HYLS1: variants seen among roughly 807,000 people sequenced by gnomAD.
The protein encoded by HYLS1 is HYLS1 centriolar and ciliogenesis associated, also known as centriolar and ciliogenesis-associated protein HYLS1.
A neutral mutation model predicts 29.4 loss-of-function variants in HYLS1; 25 were observed. That is an observed-to-expected ratio of 0.85 (90% CI 0.62 to 1.19). HYLS1 has a LOEUF of 1.19. Among genes scored for constraint, HYLS1 ranks in the 50% most tolerant of loss-of-function variants. HYLS1 has a pLI of 0.00. For synonymous variants in HYLS1, 128 were observed against 126.7 expected (o/e 1.01, Z -0.07); for missense variants, 352 against 365.1 (o/e 0.96, Z 0.29).
chr11:125,898,451 G>A (rs1332602867), intron 2 of HYLS1, among the ~76,000 whole-genome samples: 1 of 152,124 alleles, frequency 6.6e-6, no homozygotes, highest in East Asian at 1.9e-4. Context: ...GAGGCGGGTG[G>A]GTTGCCTGAG....
At position 125,900,012 on chromosome 11, in the gene HYLS1, G is replaced by C; in HGVS notation, c.644G>C (p.Arg215Pro). ...RNRGKTDRVA[R>P]YFEYKRDWDS... Reference sequence around the variant, plus strand: ...CGGGGCAAGACAGACCGGGTAGCCCGGTATTTTGAGTACAAACGGGACTGG... The same window carrying C: ...CGGGGCAAGACAGACCGGGTAGCCCCGTATTTTGAGTACAAACGGGACTGG... Residue 215 changes from arginine to proline, a missense_variant, in exon 3 of 3, where the codon CGG (arginine) becomes CCG (proline). Arg to Pro is a moderately radical substitution (Grantham distance 103, BLOSUM62 -2). Coordinates refer to ENST00000425380, the MANE Select transcript of HYLS1 (RefSeq NM_001134793.2). The C allele has an allele frequency of 6.2e-7, 1 of 1,614,194 alleles. No individual in the cohort carries two copies. Among genetic ancestry groups the C allele is most frequent in the Non-Finnish European group, 8.5e-7 (1 of 1,180,032 alleles).
In HYLS1 at chr11:125,896,230, G is replaced by T. The variant is rs747920338; in HGVS notation, c.-25-3114G>T. 66 of 1,613,676 alleles carry T rather than the reference G, an allele frequency of 4.1e-5. No homozygotes were observed. The highest frequency in any genetic ancestry group is 7.7e-5 in the South Asian group (7 of 91,076). Reference sequence around the variant, plus strand: ...CTTTGCACCTCTTGCTCCAGTTCTCGTACTCTTTTTAGGAGCTTCTCAGTC... The same window carrying T: ...CTTTGCACCTCTTGCTCCAGTTCTCTTACTCTTTTTAGGAGCTTCTCAGTC... On this transcript the variant is annotated intron_variant, in intron 2 of 2. Coordinates refer to ENST00000425380, the MANE Select transcript of HYLS1 (RefSeq NM_001134793.2).
At chr11:125,885,569 G>A (rs909520797), upstream of HYLS1, among the ~76,000 whole-genome samples, 2 of 152,222 alleles carry the variant, frequency 1.3e-5, no homozygotes, top group Non-Finnish European at 2.9e-5. Flanking sequence ...AGACAGATTG[G>A]AGATTCAAAG....
upstream of HYLS1, chr11:125,887,400 C>A (rs1944323324): frequency 6.6e-6 from 1 of 152,272 alleles, no homozygotes; most frequent in Non-Finnish European, 1.5e-5. Flanking sequence ...ATTTAGTACA[C>A]CAGAGGCGTC....
At chr11:125,895,558 A>T in intron 2 of HYLS1, 3 of 1,614,212 alleles carry the variant, frequency 1.9e-6, no homozygotes, top group African/African-American at 1.3e-5. Flanking sequence ...ACAATATCTA[A>T]ATCAGCACGA....
chr11:125,885,542 C>T (rs1430393415), upstream of HYLS1, among the ~76,000 whole-genome samples: 1 of 152,202 alleles, frequency 6.6e-6, no homozygotes, highest in East Asian at 1.9e-4. Flanking sequence ...ATGATTCCAT[C>T]TACTCTTTGG....
At position 125,900,292 on chromosome 11, in the gene HYLS1, G is replaced by T. The variant is rs1171604427; in HGVS notation, c.*24G>T. ...AAATCTTTTTAAACTTCTTTCACAG[G>T]ATTGTTTGAGATAACCTAGCTCTTT... On this transcript the variant is annotated 3_prime_UTR_variant, in exon 3 of 3. Transcript: ENST00000425380. 1 of 1,606,456 alleles carries T rather than the reference G, an allele frequency of 6.2e-7. No homozygotes were observed. Among genetic ancestry groups the T allele is most frequent in the Admixed American group, 1.7e-5 (1 of 60,010 alleles).
intron 2 of HYLS1, 123 bp from the exon 3 acceptor site, chr11:125,899,221 G>C: frequency 2.9e-6 from 2 of 681,212 alleles, no homozygotes; most frequent in South Asian, 3.7e-5. Context: ...ACCCTGTATT[G>C]AATTTATGAT....
chr11:125,893,865 T>G, intron 2 of HYLS1: 3 of 1,614,154 alleles, frequency 1.9e-6, no homozygotes, highest in Non-Finnish European at 2.5e-6. Flanking sequence ...TCCTCTAGTG[T>G]GTCATTACAG....
In HYLS1 at chr11:125,899,583, A is replaced by G; in HGVS notation, c.215A>G (p.His72Arg). The G allele has an allele frequency of 6.2e-7, 1 of 1,614,108 alleles. No homozygotes were observed. The highest frequency in any genetic ancestry group is 2.2e-5 in the East Asian group (1 of 44,884). Residue 72 changes from histidine to arginine, a missense_variant, in exon 3 of 3, where the codon CAT (histidine) becomes CGT (arginine). Physicochemically the swap from His to Arg is conservative, Grantham distance 29 (BLOSUM62 0). Coordinates refer to ENST00000425380, the MANE Select transcript of HYLS1 (RefSeq NM_001134793.2). ...CTTCCTGTGCAACTACAGTACCCACATGTAGAAAGTAATGTCCCTTCAGAA... is the reference window on the plus strand; with the variant it reads ...CTTCCTGTGCAACTACAGTACCCACGTGTAGAAAGTAATGTCCCTTCAGAA... ...PALPVQLQYP[H>R]VESNVPSETV...
intron 1 of HYLS1, among the ~76,000 whole-genome samples, chr11:125,890,351 T>C (rs1214253890): frequency 6.6e-6 from 1 of 152,246 alleles, no homozygotes; most frequent in Non-Finnish European, 1.5e-5. Flanking sequence ...AATTACTGAT[T>C]TTTAAACGTG....
Position 125,891,483 on chromosome 11 carries a change from G to GAAAAAA in HYLS1, c.-26+23_-26+28dup, listed in dbSNP as rs11382127. 1.9e-5 allele frequency: 2 copies of GAAAAAA among 107,274 alleles called. No individual in the cohort carries two copies. The highest frequency in any genetic ancestry group is 1.2e-4 in the Admixed American group (1 of 8,240). 6.6% of individuals were successfully genotyped at this position (107,274 alleles called of 1,614,324 possible). On this transcript the variant is annotated intron_variant, in intron 2 of 2. Transcript: ENST00000425380. ...ATACATTGAAATAAGGTAAGAAATT[G>GAAAAAA]AAAAAAAAAAAAAAAAACCTTGGTT...
At position 125,899,536 on chromosome 11, in the gene HYLS1, AG is replaced by A. The variant is rs1172420635; in HGVS notation, c.169del (p.Ala57ProfsTer17). 10 of 1,614,168 alleles carry A rather than the reference AG, an allele frequency of 6.2e-6. No homozygotes were observed. Among genetic ancestry groups the A allele is most frequent in the Non-Finnish European group, 8.5e-6 (10 of 1,180,018 alleles). ...ATGATCCCTACAGTAAAGCTTCAGT[AG>A]CCCCAGGGAAGCGACCTGCTCTTCC... ...QYDPYSKASV[A>X]PGKRPALPVQ... On this transcript the variant is annotated frameshift_variant, in exon 3 of 3. Coordinates refer to ENST00000425380, the MANE Select transcript of HYLS1 (RefSeq NM_001134793.2). LOFTEE classifies it high-confidence loss of function.
Position 125,900,494 on chromosome 11 carries a change from C to T in HYLS1, c.*226C>T. ...AAGATAAATCATATCAGAGAAAGAA[C>T]AACAGACCTGGTCTTTCTATTTTGT... On this transcript the variant is annotated 3_prime_UTR_variant, in exon 3 of 3. Coordinates refer to ENST00000425380, the MANE Select transcript of HYLS1 (RefSeq NM_001134793.2). 1.9e-6 allele frequency: 1 copy of T among 538,652 alleles called. No homozygotes were observed. Among genetic ancestry groups the T allele is most frequent in the South Asian group, 2.1e-5 (1 of 47,950 alleles). 33.4% of individuals were successfully genotyped at this position (538,652 alleles called of 1,614,324 possible).
chr11:125,891,525 A>G (rs1055614375), intron 2 of HYLS1, 53 bp downstream of exon 2: 3 of 144,384 alleles, frequency 2.1e-5, no homozygotes, highest in Non-Finnish European at 4.5e-5. Context: ...TACATATTTA[A>G]GTTATTCCAC....
chr11:125,884,692 T>C (rs1944279286), upstream of HYLS1, among the ~76,000 whole-genome samples: 1 of 152,246 alleles, frequency 6.6e-6, no homozygotes, highest in Non-Finnish European at 1.5e-5. Flanking sequence ...CTGAAATATT[T>C]AGATTTCAGA....
chr11:125,900,231 T>C lies in HYLS1; in HGVS notation c.863T>C (p.Ile288Thr), dbSNP rs1311470431. ...GVRCDLANGV[I>T]PRKLPFPLSP... is the part of the protein sequence containing the mutation. ...CGTTGTGACCTTGCAAATGGTGTCA[T>C]ACCCAGGAAGCTTCCCTTCCCTCTT... Residue 288 changes from isoleucine to threonine, a missense_variant, in exon 3 of 3, where the codon ATA becomes ACA. Transcript: ENST00000425380. 1.2e-6 allele frequency: 2 copies of C among 1,614,240 alleles called. No individual in the cohort carries two copies. Among genetic ancestry groups the C allele is most frequent in the East Asian group, 2.2e-5 (1 of 44,888 alleles).
At chr11:125,887,405 G>C (rs1054705960), upstream of HYLS1, 1 of 152,266 alleles carries the variant, frequency 6.6e-6, no homozygotes, top group Admixed American at 6.5e-5. Flanking sequence ...GTACACCAGA[G>C]GCGTCGCAGC....
upstream of HYLS1, among the ~76,000 whole-genome samples, chr11:125,885,634 C>T (rs1344844962): frequency 6.6e-6 from 1 of 152,178 alleles, no homozygotes; most frequent in Non-Finnish European, 1.5e-5. Flanking sequence ...TAAATTTGCT[C>T]CTATGGAAAG....
Sources: gnomAD v4.1 joint callset for allele counts (sites outside exome capture counted in the v4.1 genomes callset) on GRCh38, gnomAD v4.1.1 for gene constraint, MANE v1.5 for transcripts, NCBI Gene and HGNC (gene_info 2026-07-23, HGNC 2026-07-21) for gene names.